Variants in VEZT observed in about 807,000 individuals in gnomAD.
The protein encoded by VEZT is vezatin.
A neutral mutation model predicts 79.9 loss-of-function variants in VEZT; 39 were observed. That is an observed-to-expected ratio of 0.49 (90% CI 0.38 to 0.64). The LOEUF (loss-of-function observed/expected upper bound fraction) is 0.64. Among genes scored for constraint, VEZT ranks in the 30% least tolerant of loss-of-function variants. VEZT has a pLI of 0.00. For synonymous variants in VEZT, 325 were observed against 327.6 expected (o/e 0.99, Z 0.09); for missense variants, 837 against 893.1 (o/e 0.94, Z 0.80).
rs762992223 is a variant in VEZT, at chr12:95,296,147, C to T, written c.1720C>T (p.Arg574Cys). 3 of 1,570,966 alleles carry T rather than the reference C, an allele frequency of 1.9e-6. No individual in the cohort carries two copies. The highest frequency in any genetic ancestry group is 2.6e-6 in the Non-Finnish European group (3 of 1,156,862). Reference protein sequence around the residue: ...LSQEDKERQKREHEESKRVLQ... With the variant: ...LSQEDKERQKCEHEESKRVLQ... The stretch of plus-strand genomic sequence containing the variant: ...TCAAGAAGACAAAGAGAGACAGAAG[C>T]GTGAGCATGAAGAATCCAAGAGGGT... The change falls in exon 11 of 12, where the codon CGT (arginine) becomes TGT (cysteine). Residue 574 changes from arginine (R) to cysteine (C), a missense_variant. Transcript: ENST00000436874.
At chr12:95,272,031 A>T (rs922027357) in intron 6 of VEZT, among the ~76,000 whole-genome samples, 7 of 152,080 alleles carry the variant, frequency 4.6e-5, no homozygotes, top group African/African-American at 1.4e-4. Context: ...AATTAGCTGC[A>T]TGGTGGCACA....
chr12:95,256,044 T>C (rs955999327), intron 2 of VEZT, among the ~76,000 whole-genome samples: 1 of 152,088 alleles, frequency 6.6e-6, no homozygotes, highest in Non-Finnish European at 1.5e-5. Context: ...TTCCCTTGAC[T>C]GAAGTGATCT....
intron 1 of VEZT, among the ~76,000 whole-genome samples, chr12:95,234,553 C>T (rs921486875): frequency 6.6e-6 from 1 of 152,110 alleles, no homozygotes; most frequent in Non-Finnish European, 1.5e-5. Context: ...CCTCAGCCTC[C>T]GAAAGTGCTG....
chr12:95,266,574 G>T lies in VEZT; in HGVS notation c.652G>T (p.Val218Leu), dbSNP rs745314035. 6.2e-7 allele frequency: 1 copy of T among 1,613,602 alleles called. No individual in the cohort carries two copies. Among genetic ancestry groups the T allele is most frequent in the Non-Finnish European group, 8.5e-7 (1 of 1,179,846 alleles). Residue 218 changes from valine to leucine, a missense_variant, in exon 5 of 12, where the codon GTG becomes TTG. Physicochemically the swap from Val to Leu is conservative, Grantham distance 32. Coordinates refer to ENST00000436874, the MANE Select transcript of VEZT (RefSeq NM_017599.4). ...ATNSRAFTNL[V>L]RKALRLIQET... ...AAACAGCCGAGCTTTTACTAACCTC[G>T]TGAGAAAAGCTTTACGTCTCATTCA...
rs145057743 is a variant in VEZT, at chr12:95,260,254, C to T, written c.259-2652C>T. On this transcript the variant is annotated intron_variant, in intron 3 of 11. Transcript: ENST00000436874. ...ACAAGTAGCTGGGACTACAGGTGCA[C>T]GCCACCAAACCTGGCTAATATCTGT... Among the ~76,000 whole-genome samples, 107 of 151,958 alleles carry T rather than the reference C, an allele frequency of 7.0e-4. No individual in the cohort carries two copies. In the East Asian group the frequency reaches 8.5e-3, roughly 12 times the overall value.
At chr12:95,235,618 G>A (rs1424028373) in intron 1 of VEZT, among the ~76,000 whole-genome samples, 1 of 146,992 alleles carries the variant, frequency 6.8e-6, no homozygotes, top group African/African-American at 2.5e-5. Flanking sequence ...AGGGCCGGCC[G>A]GGCAGAGGCA....
At chr12:95,300,077 GA>G in intron 11 of VEZT, 87 bp from the exon 12 acceptor site, 2 of 710,404 alleles carry the variant, frequency 2.8e-6, no homozygotes, top group Non-Finnish European at 4.0e-6. Context: ...TTCTTTTTAA[GA>G]AAAAAACTGA....
chr12:95,275,689 T>C (rs2067544950), intron 7 of VEZT: 1 of 151,978 alleles, frequency 6.6e-6, no homozygotes, highest in African/African-American at 2.4e-5. Context: ...TTTTTTTTTA[T>C]GCAGAGCACT....
intron 1 of VEZT, among the ~76,000 whole-genome samples, chr12:95,232,063 C>T (rs2059346667): frequency 6.6e-6 from 1 of 152,186 alleles, no homozygotes; most frequent in South Asian, 2.1e-4. Flanking sequence ...TAGCAATTAA[C>T]AACAGGAGTT....
chr12:95,228,897 G>A (rs907917444), intron 1 of VEZT, among the ~76,000 whole-genome samples: 2 of 152,114 alleles, frequency 1.3e-5, no homozygotes, highest in African/African-American at 2.4e-5. Context: ...AACCTGCTTC[G>A]GGGCTGAGGT....
chr12:95,248,839 G>A (rs867334950), intron 1 of VEZT, among the ~76,000 whole-genome samples: 16 of 133,884 alleles, frequency 1.2e-4, no homozygotes, highest in African/African-American at 3.0e-4. Context: ...AAAAAAAAAA[G>A]AAAGAAAGAA....
At chr12:95,251,622 A>G (rs917634823) in intron 1 of VEZT, among the ~76,000 whole-genome samples, 2 of 152,192 alleles carry the variant, frequency 1.3e-5, no homozygotes, top group African/African-American at 2.4e-5. Context: ...TAAGACTATA[A>G]AATTTGGGAC....
chr12:95,292,346 G>C (rs1049881096), intron 9 of VEZT, among the ~76,000 whole-genome samples: 4 of 152,006 alleles, frequency 2.6e-5, no homozygotes, highest in African/African-American at 9.7e-5. Flanking sequence ...ATAGTCTTAT[G>C]GATTTATTTG....
chr12:95,288,378 A>G (rs559836317), intron 9 of VEZT, among the ~76,000 whole-genome samples: 1 of 152,300 alleles, frequency 6.6e-6, no homozygotes, highest in Non-Finnish European at 1.5e-5. Flanking sequence ...AAAAAAATAT[A>G]TATATAGTCT....
chr12:95,225,513 C>T (rs1294136598), intron 1 of VEZT, among the ~76,000 whole-genome samples: 4 of 151,846 alleles, frequency 2.6e-5, no homozygotes, highest in Non-Finnish European at 4.4e-5. Flanking sequence ...GCCAAGATCG[C>T]GCCACTGCAC....
chr12:95,240,229 T>C (rs1334393203), intron 1 of VEZT, among the ~76,000 whole-genome samples: 3 of 152,168 alleles, frequency 2.0e-5, no homozygotes, highest in Non-Finnish European at 2.9e-5. Context: ...AACCATTCAG[T>C]AAAGTGCCAT....
chr12:95,283,520 G>T (rs969568232), intron 8 of VEZT, among the ~76,000 whole-genome samples: 2 of 152,188 alleles, frequency 1.3e-5, no homozygotes, highest in African/African-American at 4.8e-5. Flanking sequence ...AATGGGGAAG[G>T]CAGTATTTGA....
chr12:95,279,950 A>G (rs1477230316), intron 7 of VEZT, among the ~76,000 whole-genome samples: 1 of 152,118 alleles, frequency 6.6e-6, no homozygotes, highest in Non-Finnish European at 1.5e-5. Context: ...TTGACCCAAC[A>G]TGCTGGAATC....
At chr12:95,236,267 A>G (rs1365449886) in intron 1 of VEZT, among the ~76,000 whole-genome samples, 2 of 152,174 alleles carry the variant, frequency 1.3e-5, no homozygotes, top group Admixed American at 6.5e-5. Flanking sequence ...CCCAAAAAAT[A>G]CGAAAACCAG....
Sources: gnomAD v4.1 joint callset for allele counts (sites outside exome capture counted in the v4.1 genomes callset) on GRCh38, gnomAD v4.1.1 for gene constraint, MANE v1.5 for transcripts, NCBI Gene and HGNC (gene_info 2026-07-23, HGNC 2026-07-21) for gene names.